ZNF454: variants seen among roughly 807,000 people sequenced by gnomAD.
The protein encoded by ZNF454 is zinc finger protein 454.
A neutral mutation model predicts 48.2 loss-of-function variants in ZNF454; 30 were observed. The observed-to-expected ratio is 0.62, with a 90% CI of 0.47 to 0.84. The LOEUF (loss-of-function observed/expected upper bound fraction) is 0.84. ZNF454 is among the 40% of genes least tolerant of loss of function. ZNF454 has a pLI of 0.00. For missense variants in ZNF454, 510 were observed against 623.1 expected, an observed-to-expected ratio of 0.82 and a Z score of 1.93; for synonymous variants, 204 against 211.4, an observed-to-expected ratio of 0.97 and a Z score of 0.30.
chr5:178,983,109 A>G, the ZNF454 span: 175 of 1,613,890 alleles, frequency 1.1e-4, no homozygotes, highest in Non-Finnish European at 1.5e-4. Context: ...CAGATCCGAC[A>G]TGTCGCACTT....
At chr5:178,969,877 A>C (rs1381232948), downstream of ZNF454, among the ~76,000 whole-genome samples, 2 of 152,124 alleles carry the variant, frequency 1.3e-5, no homozygotes, top group Non-Finnish European at 2.9e-5. Flanking sequence ...CCGAAAAAAA[A>C]CAGTTGCTTT....
the ZNF454 span, among the ~76,000 whole-genome samples, chr5:178,974,405 G>A: frequency 2.6e-5 from 4 of 152,094 alleles, no homozygotes; most frequent in Admixed American, 6.6e-5. Context: ...TGCAGTCTCC[G>A]CCTCTGGGGT....
At chr5:178,982,232 C>A in the ZNF454 span, among the ~76,000 whole-genome samples, 1 of 152,110 alleles carries the variant, frequency 6.6e-6, no homozygotes, top group Admixed American at 6.5e-5. Context: ...CTGCCGCATA[C>A]GTGAATAAAT....
rs181526409 is a variant in ZNF454 at position 178,944,487 on chromosome 5, C to A, written c.33+1663C>A. ...GGAATTATGATCTGGGCTACAAATA[C>A]AAAGTGAACGATAAATGGGCCCTGA... On this transcript the variant is annotated intron_variant, in intron 2 of 4. Transcript: ENST00000519564. This position sits in a 1 kb window ranked among gnomAD's most constrained non-coding sequence, Gnocchi z 4.1. Among the ~76,000 whole-genome samples, 31 of 152,320 alleles carry A rather than the reference C, an allele frequency of 2.0e-4. No homozygotes were observed. The East Asian group carries it at 4.2e-3, about 21-fold the overall frequency.
chr5:178,981,940 C>T, the ZNF454 span: 5 of 907,642 alleles, frequency 5.5e-6, no homozygotes, highest in Admixed American at 6.8e-5. The surrounding 1 kb of genome is among the most constrained non-coding windows in gnomAD (Gnocchi z 5.1). Flanking sequence ...TACTCTGGAG[C>T]TGAGTCTGTT....
At position 178,941,339 on chromosome 5, in the gene ZNF454, G is replaced by T. The variant is rs922587478; in HGVS notation, c.-213G>T. ...TCAAAGCCGCAGAGGGAGAGCGGGAGCGGTCGTGAGGTCGTCTGGGGAGAA... is the reference window on the plus strand; with the variant it reads ...TCAAAGCCGCAGAGGGAGAGCGGGATCGGTCGTGAGGTCGTCTGGGGAGAA... On this transcript the variant is annotated 5_prime_UTR_variant, in exon 1 of 5. Coordinates refer to ENST00000519564, the MANE Select transcript of ZNF454 (RefSeq NM_001178089.3). This position sits in a 1 kb window ranked among gnomAD's most constrained non-coding sequence, Gnocchi z 5.5. 4.4e-6 allele frequency: 2 copies of T among 453,196 alleles called. No homozygotes were observed. Among genetic ancestry groups the T allele is most frequent in the Non-Finnish European group, 8.9e-6 (2 of 225,016 alleles). The allele number at this position is 453,196 out of a possible 1,614,324, so 28.1% of individuals were successfully genotyped here.
intron 4 of ZNF454, among the ~76,000 whole-genome samples, chr5:178,958,874 G>C (rs937371885): frequency 1.3e-5 from 2 of 152,014 alleles, no homozygotes; most frequent in Admixed American, 6.6e-5. Flanking sequence ...TTTGTTGTCT[G>C]ATCTTTTGTT....
At chr5:178,989,217 A>ACCACCCTCC in the ZNF454 span, 6 of 957,464 alleles carry the variant, frequency 6.3e-6, no homozygotes, top group African/African-American at 3.5e-5. Context: ...CCCCACCCTC[A>ACCACCCTCC]CCACCCTCCC....
the ZNF454 span, chr5:178,989,211 A>AACCCCC: frequency 2.5e-5 from 3 of 121,720 alleles, no homozygotes; most frequent in Non-Finnish European, 4.0e-5. Context: ...CCCCCTCCCC[A>AACCCCC]CCCTCACCAC....
the ZNF454 span, chr5:178,982,926 G>T: frequency 6.2e-7 from 1 of 1,613,402 alleles, no homozygotes; most frequent in South Asian, 1.1e-5. Flanking sequence ...AGCTGACTGG[G>T]CAGTGCCAAA....
Position 178,946,628 on chromosome 5 carries a change from C to A in ZNF454, c.160+143C>A. The A allele has an allele frequency of 8.3e-7, 1 of 1,208,348 alleles. No homozygotes were observed. Among genetic ancestry groups the A allele is most frequent in the Non-Finnish European group, 1.1e-6 (1 of 879,856 alleles). The allele number at this position is 1,208,348 out of a possible 1,614,324, so 74.9% of individuals were successfully genotyped here. On this transcript the variant is annotated intron_variant, in intron 3 of 4. Coordinates refer to ENST00000519564, the MANE Select transcript of ZNF454 (RefSeq NM_001178089.3). The surrounding 1 kb of genome is among the most constrained non-coding windows in gnomAD (Gnocchi z 4.5). ...CATTAATTTTACCTGTCCTTGGTGTCCTGGGCACAGGCCTCTTTTGGAGTC... is the reference window on the plus strand; with the variant it reads ...CATTAATTTTACCTGTCCTTGGTGTACTGGGCACAGGCCTCTTTTGGAGTC...
In ZNF454 at chr5:178,964,690, G is replaced by C. The variant is rs2113278675; in HGVS notation, c.286G>C (p.Val96Leu). The change falls in exon 5 of 5, where the codon GTC becomes CTC. Residue 96 changes from valine (V) to leucine (L), a missense_variant. Transcript: ENST00000519564. ...TATGCCTGCCAGTAAGAAATCTACT[G>C]TCAAGGCAGAGATTCCTGAAGAAGA... ...MTMPASKKST[V>L]KAEIPEEELD... 6.2e-7 allele frequency: 1 copy of C among 1,614,140 alleles called. No individual in the cohort carries two copies. Among genetic ancestry groups the C allele is most frequent in the South Asian group, 1.1e-5 (1 of 91,086 alleles).
At chr5:178,986,238 G>A in the ZNF454 span, 1 of 1,614,194 alleles carries the variant, frequency 6.2e-7, no homozygotes, top group East Asian at 2.2e-5. Flanking sequence ...AGATACGGTT[G>A]GTCTTGGTGA....
intron 4 of ZNF454, among the ~76,000 whole-genome samples, chr5:178,948,906 ATT>A (rs34296342): frequency 2.6e-4 from 36 of 136,446 alleles, no homozygotes; most frequent in Admixed American, 2.9e-4. Flanking sequence ...ATGTACACAG[ATT>A]TTTTTTTTTT....
At chr5:178,958,149 C>T (rs2113249834) in intron 4 of ZNF454, among the ~76,000 whole-genome samples, 1 of 152,136 alleles carries the variant, frequency 6.6e-6, no homozygotes, top group Admixed American at 6.5e-5. Flanking sequence ...ACTAAAAGTA[C>T]ATAGATCATA....
chr5:178,986,223 G>A, the ZNF454 span: 41 of 1,614,106 alleles, frequency 2.5e-5, 1 homozygote, highest in African/African-American at 4.3e-4. Flanking sequence ...GCTCAAAGAT[G>A]CGGTAGATAC....
chr5:178,987,621 G>A, the ZNF454 span: 1 of 368,064 alleles, frequency 2.7e-6, no homozygotes, highest in South Asian at 2.0e-5. Flanking sequence ...TTCATAGAGA[G>A]GGGCCGTGGA....
At chr5:178,986,017 C>A in the ZNF454 span, 1 of 988,786 alleles carries the variant, frequency 1.0e-6, no homozygotes, top group African/African-American at 1.6e-5. Context: ...CCACCTCAGC[C>A]TCCAAAGGTG....
the ZNF454 span, chr5:178,976,126 C>G: frequency 7.2e-5 from 33 of 455,726 alleles, no homozygotes; most frequent in African/African-American, 6.0e-4. Flanking sequence ...AGGACCCCAT[C>G]CCCCAGATAT....
Sources: gnomAD v4.1 joint callset for allele counts (sites outside exome capture counted in the v4.1 genomes callset) on GRCh38, gnomAD v4.1.1 for gene constraint, Gnocchi (gnomAD v3.1) non-coding constraint, MANE v1.5 for transcripts, NCBI Gene and HGNC (gene_info 2026-07-23, HGNC 2026-07-21) for gene names.